Variants in PIAS1 observed in about 807,000 individuals in gnomAD.
PIAS1 encodes protein inhibitor of activated STAT 1.
PIAS1 carries 6 observed loss-of-function variants against 71.3 expected under a neutral mutation model. The ratio of observed to expected loss-of-function variants is 0.08; its 90% CI spans 0.05 to 0.17. PIAS1 has a LOEUF of 0.17. Ranked by LOEUF, PIAS1 falls within the 10% of genes least tolerant of loss-of-function variation. PIAS1 has a pLI of 1.00. For synonymous variants in PIAS1, 303 were observed against 292.9 expected (o/e 1.03, Z -0.35); for missense variants, 555 against 793.6 (o/e 0.70, Z 3.61).
At chr15:68,097,816 TCTAACA>T (rs1595721880) in intron 2 of PIAS1, among the ~76,000 whole-genome samples, 1 of 152,342 alleles carries the variant, frequency 6.6e-6, no homozygotes, top group Non-Finnish European at 1.5e-5. Context: ...TAATATGGTG[TCTAACA>T]CTGATTGCTT....
At chr15:68,144,117 T>TG (rs1174545625) in intron 4 of PIAS1, among the ~76,000 whole-genome samples, 1 of 129,898 alleles carries the variant, frequency 7.7e-6, no homozygotes, top group Admixed American at 7.4e-5. Context: ...CTCCAGGACT[T>TG]GGAAAAAAAA....
At chr15:68,103,954 T>C (rs889476060) in intron 2 of PIAS1, among the ~76,000 whole-genome samples, 1 of 152,250 alleles carries the variant, frequency 6.6e-6, no homozygotes, top group Non-Finnish European at 1.5e-5. Flanking sequence ...GTTAAATACC[T>C]AGAACTAGAA....
At chr15:68,079,054 T>G (rs902409129) in intron 1 of PIAS1, among the ~76,000 whole-genome samples, 5 of 152,018 alleles carry the variant, frequency 3.3e-5, no homozygotes, top group African/African-American at 1.2e-4. Flanking sequence ...CTTTTTTTTT[T>G]TTTTTCAAAG....
intron 2 of PIAS1, among the ~76,000 whole-genome samples, chr15:68,140,674 A>G (rs1468929847): frequency 3.9e-5 from 6 of 152,190 alleles, no homozygotes; most frequent in Non-Finnish European, 8.8e-5. Context: ...TACGTTTGGT[A>G]TCGACTTTTT....
rs967663152 is a variant in PIAS1 at position 68,167,197 on chromosome 15, G to GTT, written c.1008+2394_1008+2395insTT. Among the ~76,000 whole-genome samples, 1 of 151,834 alleles carries GTT rather than the reference G, an allele frequency of 6.6e-6. No homozygotes were observed. The highest frequency in any genetic ancestry group is 1.5e-5 in the Non-Finnish European group (1 of 67,946). On this transcript the variant is annotated intron_variant, in intron 8 of 13. Coordinates refer to ENST00000249636, the MANE Select transcript of PIAS1 (RefSeq NM_016166.3). The surrounding 1 kb of genome is among the most constrained non-coding windows in gnomAD (Gnocchi z 4.4). Reference sequence around the variant, plus strand: ...AAACAACTATATATGTATATTGTGTGTGTGTGTGTGTGTGTGTATGTGTAA... The same window carrying GTT: ...AAACAACTATATATGTATATTGTGTGTTTGTGTGTGTGTGTGTGTATGTGTAA...
intron 7 of PIAS1, among the ~76,000 whole-genome samples, chr15:68,155,980 T>G (rs1460768281): frequency 2.0e-5 from 3 of 152,208 alleles, no homozygotes; most frequent in Non-Finnish European, 4.4e-5. Context: ...CCACCATAAT[T>G]ACTTTTTTAG....
rs374144201 is a variant in PIAS1, at chr15:68,187,790, G to A, written c.1911G>A (p.Thr637=). Residue 637 remains threonine, a synonymous_variant, in exon 14 of 14, where the codon ACG becomes ACA. Coordinates refer to ENST00000249636, the MANE Select transcript of PIAS1 (RefSeq NM_016166.3). This position sits in a 1 kb window ranked among gnomAD's most constrained non-coding sequence, Gnocchi z 5.3. The stretch of plus-strand genomic sequence containing the variant: ...TCACAAACAGGAGCAGCACGGACAC[G>A]GCATCCATCTTTGGCATCATACCAG... The part of the protein sequence containing the change: ...HTVTNRSSTD[T]ASIFGIIPDI... 32 of 1,613,692 alleles carry A rather than the reference G, an allele frequency of 2.0e-5. No homozygotes were observed. The African/African-American group carries it at 3.5e-4, about 18-fold the overall frequency.
intron 2 of PIAS1, among the ~76,000 whole-genome samples, chr15:68,098,687 T>G (rs769981541): frequency 6.6e-6 from 1 of 152,184 alleles, no homozygotes; most frequent in Non-Finnish European, 1.5e-5. Context: ...CTGGGGTAGC[T>G]GCTGCACCTA....
At chr15:68,083,453 A>G (rs112000130) in intron 1 of PIAS1, among the ~76,000 whole-genome samples, 26 of 152,292 alleles carry the variant, frequency 1.7e-4, no homozygotes, top group South Asian at 2.1e-4. Context: ...ATAAGTTGCA[A>G]TGGTTAATTT....
rs1248714266 is a variant in PIAS1 at position 68,164,721 on chromosome 15, T to C, written c.935-10T>C. ...GTTTGCTTTTTTTCTTCTTCTTCAA[T>C]GAATATCAGTTAAAGAGAAGTTGAC... is the stretch of plus-strand genomic sequence containing the variant. On this transcript the variant is annotated splice_polypyrimidine_tract_variant and intron_variant, in intron 7 of 13. Transcript: ENST00000249636. 5.2e-6 allele frequency: 8 copies of C among 1,535,200 alleles called. No individual in the cohort carries two copies. In the Admixed American group the frequency reaches 1.2e-4, roughly 24 times the overall value.
chr15:68,181,246 T>A lies in PIAS1; in HGVS notation c.1516T>A (p.Ser506Thr). ...TCTTCCACATCAAGCATCTCCAGTA[T>A]CCCGCACCCCAAGCCTTCCTGCTGT... Reference protein sequence around the residue: ...LSLPHQASPVSRTPSLPAVDT... With the variant: ...LSLPHQASPVTRTPSLPAVDT... The change falls in exon 12 of 14, where the codon TCC (serine) becomes ACC (threonine). Residue 506 changes from serine (S) to threonine (T), a missense_variant. Ser to Thr is a moderately conservative substitution (Grantham distance 58). Coordinates refer to ENST00000249636, the MANE Select transcript of PIAS1 (RefSeq NM_016166.3). The A allele has an allele frequency of 1.9e-6, 3 of 1,613,614 alleles. No homozygotes were observed. The highest frequency in any genetic ancestry group is 2.5e-6 in the Non-Finnish European group (3 of 1,179,672).
intron 2 of PIAS1, among the ~76,000 whole-genome samples, chr15:68,126,996 A>G (rs1180175617): frequency 1.3e-5 from 2 of 151,952 alleles, no homozygotes; most frequent in East Asian, 1.9e-4. Flanking sequence ...GTGCAGTGGC[A>G]TGATTTCAGC....
rs1356136590 is a variant in PIAS1 at position 68,190,059 on chromosome 15, T to TAA, written c.*2225_*2226dup. On this transcript the variant is annotated 3_prime_UTR_variant, in exon 14 of 14. Coordinates refer to ENST00000249636, the MANE Select transcript of PIAS1 (RefSeq NM_016166.3). The surrounding 1 kb of genome is among the most constrained non-coding windows in gnomAD (Gnocchi z 4.7). ...TTAGTGGTCTCAGAATTCTGATCAG[T>TAA]AACTTTGTGTATGATGCTGAATTAC... The TAA allele has an allele frequency of 6.6e-6, 1 of 152,244 alleles. No individual in the cohort carries two copies. The highest frequency in any genetic ancestry group is 2.4e-5 in the African/African-American group (1 of 41,474). The allele number at this position is 152,244 out of a possible 1,614,324, so 9.4% of individuals were successfully genotyped here. A position where few individuals can be genotyped will look rare whatever the true frequency, so the allele number is the denominator to read the frequency against.
At chr15:68,122,709 C>G (rs1245492033) in intron 2 of PIAS1, among the ~76,000 whole-genome samples, 1 of 152,172 alleles carries the variant, frequency 6.6e-6, no homozygotes, top group Non-Finnish European at 1.5e-5. Context: ...TGAGTAGACT[C>G]TCTTCATAAA....
chr15:68,118,372 T>C (rs370959605), intron 2 of PIAS1, among the ~76,000 whole-genome samples: 7 of 151,986 alleles, frequency 4.6e-5, no homozygotes, highest in African/African-American at 1.7e-4. Flanking sequence ...AGTCTTGCTC[T>C]GTCTCCGAGG....
chr15:68,104,069 G>T (rs528317290), intron 2 of PIAS1, among the ~76,000 whole-genome samples: 1 of 152,090 alleles, frequency 6.6e-6, no homozygotes, highest in Non-Finnish European at 1.5e-5. Context: ...ATGAGGATTC[G>T]CATTTCTCTC....
intron 2 of PIAS1, among the ~76,000 whole-genome samples, chr15:68,096,826 T>C (rs1175653252): frequency 1.3e-5 from 2 of 152,218 alleles, no homozygotes; most frequent in Non-Finnish European, 2.9e-5. Context: ...CATGAAACTT[T>C]TAGAGTTTTC....
At chr15:68,058,387 G>A (rs2091919893) in intron 1 of PIAS1, among the ~76,000 whole-genome samples, 1 of 152,152 alleles carries the variant, frequency 6.6e-6, no homozygotes, top group South Asian at 2.1e-4. Flanking sequence ...AGGTAGGAAA[G>A]GCAAGTAATA....
At chr15:68,066,757 T>C (rs2092032390) in intron 1 of PIAS1, among the ~76,000 whole-genome samples, 1 of 152,160 alleles carries the variant, frequency 6.6e-6, no homozygotes, top group Non-Finnish European at 1.5e-5. Context: ...TAATATGTGA[T>C]TTCAAAATCA....
Sources: gnomAD v4.1 joint callset for allele counts (sites outside exome capture counted in the v4.1 genomes callset) on GRCh38, gnomAD v4.1.1 for gene constraint, Gnocchi (gnomAD v3.1) non-coding constraint, MANE v1.5 for transcripts, NCBI Gene and HGNC (gene_info 2026-07-23, HGNC 2026-07-21) for gene names.